Variants in POU2AF2 observed in about 807,000 individuals in gnomAD.
POU2AF2 encodes POU class 2 homeobox associating factor 2, also known as POU domain class 2-associating factor 2.
At chr11:111,253,067 C>T in the POU2AF2 span, among the ~76,000 whole-genome samples, 4,579 of 152,190 alleles carry the variant, frequency 0.03, 213 homozygotes, top group African/African-American at 0.1. Flanking sequence ...GAAATCTCTT[C>T]CCCAGAATTC....
chr11:111,254,288 A>AGGG, the POU2AF2 span, among the ~76,000 whole-genome samples: 6 of 152,244 alleles, frequency 3.9e-5, no homozygotes, highest in Non-Finnish European at 7.3e-5. Flanking sequence ...TATAGCATAT[A>AGGG]TGGACCAAAT....
chr11:111,265,019 C>T, the POU2AF2 span, among the ~76,000 whole-genome samples: 1 of 151,902 alleles, frequency 6.6e-6, no homozygotes, highest in Admixed American at 6.6e-5. Flanking sequence ...TGGAGGAAAG[C>T]ATGCCACGAG....
At chr11:111,261,906 C>T in the POU2AF2 span, among the ~76,000 whole-genome samples, 1 of 152,060 alleles carries the variant, frequency 6.6e-6, no homozygotes, top group African/African-American at 2.4e-5. Flanking sequence ...AGAAATATCC[C>T]AAGTGAGAAA....
At chr11:111,285,971 G>A in the POU2AF2 span, 25 of 1,613,978 alleles carry the variant, frequency 1.5e-5, no homozygotes, top group East Asian at 1.1e-4. Flanking sequence ...AGCAGACACC[G>A]GTTCCCTCCA....
At chr11:111,256,158 A>T in the POU2AF2 span, 1 of 398,604 alleles carries the variant, frequency 2.5e-6, no homozygotes, top group South Asian at 1.3e-4. Context: ...TTATCCACAC[A>T]CCAATCACCT....
chr11:111,281,306 T>C, the POU2AF2 span: 3 of 1,056,866 alleles, frequency 2.8e-6, no homozygotes, highest in East Asian at 2.5e-5. Flanking sequence ...CTTCTGAATA[T>C]CATAAAACCA....
the POU2AF2 span, chr11:111,284,152 G>C: frequency 6.2e-7 from 1 of 1,614,206 alleles, no homozygotes; most frequent in Non-Finnish European, 8.5e-7. Flanking sequence ...ACAGTAAACA[G>C]TTTTCAAATG....
the POU2AF2 span, among the ~76,000 whole-genome samples, chr11:111,258,073 G>A: frequency 6.6e-6 from 1 of 152,098 alleles, no homozygotes; most frequent in Admixed American, 6.5e-5. Flanking sequence ...ATCTGAGTTC[G>A]TGACACTGCG....
the POU2AF2 span, among the ~76,000 whole-genome samples, chr11:111,260,188 A>T: frequency 6.6e-6 from 1 of 152,232 alleles, no homozygotes; most frequent in Non-Finnish European, 1.5e-5. Context: ...ATACCAATGC[A>T]CTAGGACACA....
At chr11:111,285,004 T>C in the POU2AF2 span, among the ~76,000 whole-genome samples, 3 of 152,216 alleles carry the variant, frequency 2.0e-5, no homozygotes, top group South Asian at 2.1e-4. Context: ...GAATTCACAT[T>C]ATTAAGTATA....
the POU2AF2 span, among the ~76,000 whole-genome samples, chr11:111,264,540 GA>G: frequency 1.6e-5 from 1 of 63,782 alleles, no homozygotes; most frequent in African/African-American, 5.6e-5. Flanking sequence ...AAGAAAGAAA[GA>G]AAGAAAGAAA....
chr11:111,260,130 G>A, the POU2AF2 span, among the ~76,000 whole-genome samples: 1 of 152,204 alleles, frequency 6.6e-6, no homozygotes, highest in Non-Finnish European at 1.5e-5. Flanking sequence ...GGGAGACACT[G>A]TGGGGCTCTG....
the POU2AF2 span, among the ~76,000 whole-genome samples, chr11:111,256,478 C>A: frequency 5.3e-5 from 8 of 152,242 alleles, no homozygotes; most frequent in Non-Finnish European, 1.2e-4. Context: ...AAATCACAGT[C>A]AATAAATGCT....
the POU2AF2 span, among the ~76,000 whole-genome samples, chr11:111,279,983 G>A: frequency 6.8e-6 from 1 of 147,564 alleles, no homozygotes; most frequent in Non-Finnish European, 1.5e-5. Context: ...GGAAGTTGCA[G>A]TGAGCCGAGA....
chr11:111,253,159 T>C, the POU2AF2 span, among the ~76,000 whole-genome samples: 3 of 152,196 alleles, frequency 2.0e-5, no homozygotes, highest in African/African-American at 7.2e-5. Context: ...TCTCCTCTCC[T>C]CCTCTGACAA....
the POU2AF2 span, among the ~76,000 whole-genome samples, chr11:111,272,976 G>C: frequency 6.6e-6 from 1 of 152,036 alleles, no homozygotes; most frequent in African/African-American, 2.4e-5. Flanking sequence ...CCCCTTTTCT[G>C]ATGCATAGTA....
chr11:111,284,518 A>C, the POU2AF2 span: 1 of 1,049,472 alleles, frequency 9.5e-7, no homozygotes. Flanking sequence ...AGCTGCCTAG[A>C]GATGCCAGGA....
chr11:111,265,231 A>G, the POU2AF2 span, among the ~76,000 whole-genome samples: 1 of 152,192 alleles, frequency 6.6e-6, no homozygotes, highest in East Asian at 1.9e-4. Context: ...TTCAGTTCTC[A>G]TCTTGCCTGT....
the POU2AF2 span, among the ~76,000 whole-genome samples, chr11:111,278,133 T>C: frequency 1.3e-5 from 2 of 152,192 alleles, no homozygotes; most frequent in Non-Finnish European, 2.9e-5. Flanking sequence ...AACCAACAAA[T>C]GCATAATAGT....
Sources: allele counts gnomAD v4.1 joint callset (sites outside exome capture counted in the v4.1 genomes callset), GRCh38; gene constraint gnomAD v4.1.1; transcripts MANE v1.5; gene names NCBI Gene and HGNC (gene_info 2026-07-23, HGNC 2026-07-21).